Variants in ELF1 observed in about 807,000 individuals in gnomAD.
ELF1 encodes the protein E74 like ETS transcription factor 1, also known as ETS-related transcription factor Elf-1.
In ELF1, 24 loss-of-function variants were observed where a neutral mutation model predicts 59.9. The ratio of observed to expected loss-of-function variants is 0.40; its 90% CI spans 0.29 to 0.56. The LOEUF is 0.56. Ranked by LOEUF, ELF1 falls within the 20% of genes least tolerant of loss-of-function variation. The pLI, the probability that ELF1 is intolerant of heterozygous loss-of-function variation, is 0.44. For missense variants in ELF1, 627 were observed against 742.2 expected (o/e 0.84, Z 1.80); for synonymous variants, 248 against 266.2 (o/e 0.93, Z 0.67).
intron 2 of ELF1, among the ~76,000 whole-genome samples, chr13:40,971,358 A>G (rs1192666869): frequency 6.6e-6 from 1 of 152,080 alleles, no homozygotes; most frequent in African/African-American, 2.4e-5. Flanking sequence ...CCCAGGCTCA[A>G]GTGATCTTCC....
chr13:40,939,176 T>C (rs1226294580), intron 8 of ELF1, among the ~76,000 whole-genome samples: 1 of 151,942 alleles, frequency 6.6e-6, no homozygotes, highest in Non-Finnish European at 1.5e-5. Context: ...AATTAAAAAA[T>C]TAGCTGGACA....
At chr13:40,993,341 C>A (rs2138310694) in intron 1 of ELF1, 1 of 1,347,788 alleles carries the variant, frequency 7.4e-7, no homozygotes. Flanking sequence ...ATTTCAGCTA[C>A]AAGACCCAAT....
chr13:41,052,834 A>C (rs1188505089), intron 1 of ELF1, among the ~76,000 whole-genome samples: 1 of 152,230 alleles, frequency 6.6e-6, no homozygotes, highest in East Asian at 1.9e-4. Flanking sequence ...ATGGCAATTT[A>C]CCTTGTAAAC....
chr13:40,958,853 T>C lies in ELF1; in HGVS notation c.236A>G (p.Asp79Gly). The C allele has an allele frequency of 6.2e-7, 1 of 1,611,808 alleles. No homozygotes were observed. The highest frequency in any genetic ancestry group is 1.3e-5 in the African/African-American group (1 of 75,014). The change falls in exon 3 of 9, where the codon GAT becomes GGT. Residue 79 changes from aspartate (D) to glycine (G), a missense_variant. By Grantham distance (94) the Asp-to-Gly change is moderately conservative. Transcript: ENST00000239882. ...ACACGCACCTGTAAGGGTGATGTCATCATCATCATCGTCTATGATTTCTTC... is the reference window on the plus strand; with the variant it reads ...ACACGCACCTGTAAGGGTGATGTCACCATCATCATCGTCTATGATTTCTTC... ...AEEEIIDDDD[D>G]DITLTVEASC... is the part of the protein sequence containing the mutation.
At chr13:41,039,268 A>T (rs947577666) in intron 1 of ELF1, among the ~76,000 whole-genome samples, 9 of 151,336 alleles carry the variant, frequency 5.9e-5, no homozygotes, top group African/African-American at 2.2e-4. Flanking sequence ...AATAATTTTT[A>T]AAATTACCAT....
At chr13:41,030,353 A>G (rs906883046) in intron 1 of ELF1, among the ~76,000 whole-genome samples, 1 of 152,190 alleles carries the variant, frequency 6.6e-6, no homozygotes, top group African/African-American at 2.4e-5. Context: ...TTGGTTTTGA[A>G]AGGAAAGTTT....
At chr13:40,985,327 A>AT (rs1025539399) in intron 1 of ELF1, among the ~76,000 whole-genome samples, 1 of 152,118 alleles carries the variant, frequency 6.6e-6, no homozygotes, top group Admixed American at 6.5e-5. Flanking sequence ...GTATCTTACA[A>AT]TTTTTTCAGT....
At chr13:41,010,807 T>C (rs569401406) in intron 1 of ELF1, among the ~76,000 whole-genome samples, 3 of 152,248 alleles carry the variant, frequency 2.0e-5, no homozygotes, top group East Asian at 3.9e-4. Context: ...CCTCAGACAA[T>C]GAAATCTTAT....
At chr13:40,939,828 G>A (rs778233809) in intron 8 of ELF1, among the ~76,000 whole-genome samples, 2 of 152,076 alleles carry the variant, frequency 1.3e-5, no homozygotes, top group Non-Finnish European at 2.9e-5. Flanking sequence ...AATATTTCTG[G>A]TCCCAGGCAT....
At chr13:41,003,236 A>G (rs1874566601) in intron 1 of ELF1, among the ~76,000 whole-genome samples, 1 of 152,146 alleles carries the variant, frequency 6.6e-6, no homozygotes, top group Non-Finnish European at 1.5e-5. Flanking sequence ...AAAGAGCACA[A>G]AAAAGGGAGG....
Position 40,940,997 on chromosome 13 carries a change from C to G in ELF1, c.1180G>C (p.Ala394Pro), listed in dbSNP as rs751919508. The G allele has an allele frequency of 6.2e-7, 1 of 1,614,196 alleles. No homozygotes were observed. Among genetic ancestry groups the G allele is most frequent in the Admixed American group, 1.7e-5 (1 of 60,026 alleles). ...CTAGCTGCTTCTCCCTCTGGGACAGCCTGTACTGGCTGTACTACATGAACA... is the reference window on the plus strand; with the variant it reads ...CTAGCTGCTTCTCCCTCTGGGACAGGCTGTACTGGCTGTACTACATGAACA... ...RTVHVVQPVQ[A>P]VPEGEAARTS... is the part of the protein sequence containing the mutation. The change falls in exon 8 of 9, where the codon GCT (alanine) becomes CCT (proline). Residue 394 changes from alanine to proline, a missense_variant. By Grantham distance (27) the Ala-to-Pro change is conservative (BLOSUM62 -1). Coordinates refer to ENST00000239882, the MANE Select transcript of ELF1 (RefSeq NM_172373.4).
intron 2 of ELF1, among the ~76,000 whole-genome samples, chr13:40,967,795 T>C (rs951753263): frequency 2.0e-5 from 3 of 151,936 alleles, no homozygotes; most frequent in Non-Finnish European, 4.4e-5. Flanking sequence ...CTCTCTATGT[T>C]GCCCAGGCTG....
At chr13:40,937,591 T>A (rs1869866321) in intron 8 of ELF1, among the ~76,000 whole-genome samples, 1 of 151,866 alleles carries the variant, frequency 6.6e-6, no homozygotes, top group Non-Finnish European at 1.5e-5. Context: ...TGCCTCAGCC[T>A]CCCAAGTAGC....
At chr13:40,998,746 T>C (rs188007332) in intron 1 of ELF1, among the ~76,000 whole-genome samples, 62 of 152,334 alleles carry the variant, frequency 4.1e-4, no homozygotes, top group Non-Finnish European at 7.9e-4. Flanking sequence ...TCAGTTACTA[T>C]TAACTAAAGT....
intron 1 of ELF1, among the ~76,000 whole-genome samples, chr13:41,043,866 T>G (rs1876729089): frequency 6.6e-6 from 1 of 152,224 alleles, no homozygotes; most frequent in Non-Finnish European, 1.5e-5. Flanking sequence ...GTGATGGCAC[T>G]GAATCTATAA....
intron 2 of ELF1, among the ~76,000 whole-genome samples, chr13:40,975,469 G>A (rs143638213): frequency 4.6e-4 from 70 of 152,252 alleles, no homozygotes; most frequent in African/African-American, 1.7e-3. Flanking sequence ...TTTAATAAAT[G>A]TGAACAACTG....
At chr13:41,054,750 C>A (rs900785364) in intron 1 of ELF1, among the ~76,000 whole-genome samples, 1 of 152,090 alleles carries the variant, frequency 6.6e-6, no homozygotes. Context: ...TTTGTCAAGG[C>A]CTAATGGAGT....
chr13:41,059,093 GCTT>G (rs1235162598), intron 1 of ELF1, among the ~76,000 whole-genome samples: 2 of 152,194 alleles, frequency 1.3e-5, no homozygotes, highest in Non-Finnish European at 1.5e-5. Flanking sequence ...TTTAGTAACT[GCTT>G]CTTAATAATG....
intron 1 of ELF1, among the ~76,000 whole-genome samples, chr13:40,992,385 G>T (rs1593383460): frequency 6.6e-6 from 1 of 152,200 alleles, no homozygotes; most frequent in Non-Finnish European, 1.5e-5. Context: ...GAAAGGAAAT[G>T]TATCCAAGCT....
Sources: gnomAD v4.1 joint callset for allele counts (sites outside exome capture counted in the v4.1 genomes callset) on GRCh38, gnomAD v4.1.1 for gene constraint, MANE v1.5 for transcripts, NCBI Gene and HGNC (gene_info 2026-07-23, HGNC 2026-07-21) for gene names.